The following INPP4B variants were observed in gnomAD, a reference collection of about 807,000 sequenced individuals.
INPP4B encodes inositol polyphosphate-4-phosphatase type II B, also known as inositol polyphosphate 4-phosphatase type II.
In INPP4B, 55 loss-of-function variants were observed where a neutral mutation model predicts 122.5. The ratio of observed to expected loss-of-function variants is 0.45; its 90% CI spans 0.36 to 0.56. The LOEUF (loss-of-function observed/expected upper bound fraction) is 0.56. Ranked by LOEUF, INPP4B falls within the 20% of genes least tolerant of loss-of-function variation. The pLI is 0.00. For synonymous variants in INPP4B, 403 were observed against 388.7 expected (o/e 1.04, Z -0.43); for missense variants, 1,000 against 1,097.7 (o/e 0.91, Z 1.26).
Position 142,579,938 on chromosome 4 carries a change from T to A in INPP4B, c.-190-117212A>T, listed in dbSNP as rs1258615905. Among the ~76,000 whole-genome samples, 38 of 147,040 alleles carry A rather than the reference T, an allele frequency of 2.6e-4. 1 individual carries two copies. Among genetic ancestry groups the A allele is most frequent in the Non-Finnish European group, 4.5e-5 (3 of 66,002 alleles). The stretch of plus-strand genomic sequence containing the variant: ...AGATAGATAGATAGATAGATAGATA[T>A]CCTATTGCTTCTGTTTCTCTGGGAA... On this transcript the variant is annotated intron_variant, in intron 2 of 25. Coordinates refer to ENST00000262992, the MANE Select transcript of INPP4B (RefSeq NM_001101669.3).
chr4:142,471,095 T>A (rs182196493), intron 2 of INPP4B, among the ~76,000 whole-genome samples: 3 of 151,660 alleles, frequency 2.0e-5, no homozygotes, highest in Admixed American at 6.5e-5. Flanking sequence ...TAAAATTCCA[T>A]CTTACTATTC....
At chr4:142,334,324 C>CAATTAAT (rs1021258838) in intron 7 of INPP4B, among the ~76,000 whole-genome samples, 22 of 152,282 alleles carry the variant, frequency 1.4e-4, no homozygotes, top group African/African-American at 5.1e-4. Flanking sequence ...AGCTCTCTCA[C>CAATTAAT]AATTTCCTTA....
chr4:142,624,519 A>C (rs1378288890), intron 2 of INPP4B, among the ~76,000 whole-genome samples: 1 of 152,142 alleles, frequency 6.6e-6, no homozygotes, highest in Non-Finnish European at 1.5e-5. Flanking sequence ...GTCCAGGACC[A>C]GATGGATTCA....
chr4:142,732,335 A>G (rs1377098612), intron 1 of INPP4B, among the ~76,000 whole-genome samples: 1 of 152,024 alleles, frequency 6.6e-6, no homozygotes, highest in Non-Finnish European at 1.5e-5. Flanking sequence ...TTATTATTCA[A>G]TTAATATTTT....
At chr4:142,414,222 CACA>C (rs1191564526) in intron 5 of INPP4B, among the ~76,000 whole-genome samples, 4 of 151,780 alleles carry the variant, frequency 2.6e-5, no homozygotes, top group African/African-American at 9.7e-5. Flanking sequence ...CATCCTATAA[CACA>C]ACAATATTAA....
At chr4:142,654,379 A>AC (rs1560925254) in intron 2 of INPP4B, 2 of 151,096 alleles carry the variant, frequency 1.3e-5, no homozygotes, top group African/African-American at 4.9e-5. Context: ...AAAAAAAAAA[A>AC]AAAAAAAAAA....
At chr4:142,672,915 G>A (rs186503309) in intron 2 of INPP4B, among the ~76,000 whole-genome samples, 93 of 152,154 alleles carry the variant, frequency 6.1e-4, no homozygotes, top group Admixed American at 2.2e-3. Flanking sequence ...TGTATATTAC[G>A]TGAGGTATAG....
In INPP4B at chr4:142,638,793, A is replaced by T. The variant is rs1324091247; in HGVS notation, c.-191+87046T>A. On this transcript the variant is annotated intron_variant, in intron 2 of 25. Transcript: ENST00000262992. ...GATCTCCTGACCTCGTGATCCACCC[A>T]CCTTGGCCTCCCAAAGTGCTGGGAT... Among the ~76,000 whole-genome samples the T allele has an allele frequency of 2.0e-5, 3 of 151,856 alleles. No individual in the cohort carries two copies. In the East Asian group the frequency reaches 5.8e-4, roughly 29 times the overall value.
chr4:142,310,380 CAT>C lies in INPP4B; in HGVS notation c.423+4330_423+4331del, dbSNP rs1473706193. Among the ~76,000 whole-genome samples, 14 of 151,624 alleles carry C rather than the reference CAT, an allele frequency of 9.2e-5. 1 individual carries two copies. In the East Asian group the frequency reaches 1.5e-3, roughly 17 times the overall value. On this transcript the variant is annotated intron_variant, in intron 8 of 25. Coordinates refer to ENST00000262992, the MANE Select transcript of INPP4B (RefSeq NM_001101669.3). ...TTTGCATATACTGGGTTAAATAAAA[CAT>C]ATTAAAATTAATTCAGCCTGTTTCT...
At chr4:142,062,213 A>G (rs915374811) in intron 25 of INPP4B, among the ~76,000 whole-genome samples, 5 of 151,974 alleles carry the variant, frequency 3.3e-5, no homozygotes, top group Non-Finnish European at 7.4e-5. Context: ...GGAACATCCT[A>G]TGGCATCCAG....
At chr4:142,283,699 A>T (rs1752246455) in intron 9 of INPP4B, among the ~76,000 whole-genome samples, 1 of 152,182 alleles carries the variant, frequency 6.6e-6, no homozygotes, top group Admixed American at 6.6e-5. Context: ...TTATAATCTT[A>T]TGGAACCACC....
At chr4:142,770,461 G>C (rs1031935599) in intron 1 of INPP4B, among the ~76,000 whole-genome samples, 2 of 151,918 alleles carry the variant, frequency 1.3e-5, no homozygotes, top group African/African-American at 4.8e-5. Flanking sequence ...TAATAGCATT[G>C]GTTTTCCTGC....
intron 2 of INPP4B, among the ~76,000 whole-genome samples, chr4:142,663,106 A>C (rs1755480700): frequency 6.6e-6 from 1 of 152,226 alleles, no homozygotes; most frequent in Non-Finnish European, 1.5e-5. Flanking sequence ...AAAGACATTA[A>C]AAGCATAGAT....
At chr4:142,123,606 G>A (rs897522012) in intron 19 of INPP4B, among the ~76,000 whole-genome samples, 191 bp from the exon 20 acceptor site, 38 of 152,086 alleles carry the variant, frequency 2.5e-4, no homozygotes, top group Admixed American at 9.2e-4. Flanking sequence ...TAAAAGTCTT[G>A]GGGAAGGTAG....
intron 1 of INPP4B, among the ~76,000 whole-genome samples, chr4:142,805,042 C>T (rs1390219520): frequency 6.6e-6 from 1 of 152,126 alleles, no homozygotes; most frequent in Non-Finnish European, 1.5e-5. Flanking sequence ...ACCTGACACG[C>T]AGCATTCAAC....
intron 2 of INPP4B, among the ~76,000 whole-genome samples, chr4:142,482,439 C>G (rs1417000716): frequency 6.6e-6 from 1 of 152,156 alleles, no homozygotes; most frequent in African/African-American, 2.4e-5. Context: ...TGCAGAACTT[C>G]ATTTGCCTGA....
At chr4:142,599,587 C>A (rs1739440752) in intron 2 of INPP4B, among the ~76,000 whole-genome samples, 1 of 151,972 alleles carries the variant, frequency 6.6e-6, no homozygotes, top group South Asian at 2.1e-4. Flanking sequence ...ACACCAGAAG[C>A]ACAGACAGCA....
At chr4:142,495,982 C>T (rs148110540) in intron 2 of INPP4B, among the ~76,000 whole-genome samples, 14 of 152,152 alleles carry the variant, frequency 9.2e-5, no homozygotes, top group South Asian at 2.1e-4. Context: ...GAAATGTTTT[C>T]GCCTGTCTGA....
At chr4:142,789,624 G>C (rs925974206) in intron 1 of INPP4B, among the ~76,000 whole-genome samples, 1 of 152,054 alleles carries the variant, frequency 6.6e-6, no homozygotes, top group Admixed American at 6.6e-5. Context: ...CATGCTCATG[G>C]ATGGGTAGAA....
Sources: allele counts gnomAD v4.1 joint callset (sites outside exome capture counted in the v4.1 genomes callset), GRCh38; gene constraint gnomAD v4.1.1; transcripts MANE v1.5; gene names NCBI Gene and HGNC (gene_info 2026-07-23, HGNC 2026-07-21).